The following RAB11FIP3 variants were observed in gnomAD, a reference collection of about 807,000 sequenced individuals.
RAB11FIP3 encodes the protein RAB11 family interacting protein 3.
RAB11FIP3 carries 17 observed loss-of-function variants against 77.8 expected under a neutral mutation model. The ratio of observed to expected loss-of-function variants is 0.22; its 90% CI spans 0.15 to 0.33. The LOEUF is 0.33. Ranked by LOEUF, RAB11FIP3 falls within the 10% of genes least tolerant of loss-of-function variation. RAB11FIP3 has a pLI of 1.00. For missense variants in RAB11FIP3, 1,005 were observed against 1,011.2 expected, an observed-to-expected ratio of 0.99 and a Z score of 0.08; for synonymous variants, 437 against 448.2, an observed-to-expected ratio of 0.98 and a Z score of 0.31.
At chr16:482,439 C>T in intron 3 of RAB11FIP3, 86 bp from the exon 4 acceptor site, 1 of 1,293,426 alleles carries the variant, frequency 7.7e-7, no homozygotes, top group South Asian at 1.2e-5. Flanking sequence ...ACTGCCCTCT[C>T]CAGGGCCTTG....
rs371079969 is a variant in RAB11FIP3 at position 463,947 on chromosome 16, G to C, written c.808+2450G>C. ...CCGGGGGTGAGATGGGAACTAGGCA[G>C]GCAGCCCTCTCTGAGGAGGGGTGGA... On this transcript the variant is annotated intron_variant, in intron 2 of 13. Coordinates refer to ENST00000262305, the MANE Select transcript of RAB11FIP3 (RefSeq NM_014700.4). Among the ~76,000 whole-genome samples, 28 of 152,290 alleles carry C rather than the reference G, an allele frequency of 1.8e-4. 1 individual carries two copies. In the East Asian group the frequency reaches 5.2e-3, roughly 28 times the overall value.
intron 1 of RAB11FIP3, among the ~76,000 whole-genome samples, chr16:435,704 G>C (rs2055116617): frequency 1.3e-5 from 2 of 151,808 alleles, no homozygotes; most frequent in South Asian, 4.1e-4. Flanking sequence ...TAGTGCCTTT[G>C]CACATAGCAT....
intron 3 of RAB11FIP3, among the ~76,000 whole-genome samples, chr16:473,194 C>T (rs557701383): frequency 6.6e-6 from 1 of 152,316 alleles, no homozygotes; most frequent in Non-Finnish European, 1.5e-5. Flanking sequence ...GCATTTTATC[C>T]TTAAAGGCCC....
intron 8 of RAB11FIP3, among the ~76,000 whole-genome samples, chr16:508,753 C>A (rs2031993360): frequency 6.6e-6 from 1 of 152,218 alleles, no homozygotes; most frequent in Admixed American, 6.5e-5. Context: ...CATGCGGCCT[C>A]TCCCTCTCAT....
intron 1 of RAB11FIP3, among the ~76,000 whole-genome samples, chr16:456,401 C>T (rs954136154): frequency 6.6e-6 from 1 of 150,404 alleles, no homozygotes; most frequent in African/African-American, 2.5e-5. Flanking sequence ...GATTGTGCCA[C>T]TGCACCCTAG....
In RAB11FIP3 at chr16:520,866, AT is replaced by A. The variant is rs780208646; in HGVS notation, c.*29del. The A allele has an allele frequency of 6.3e-7, 1 of 1,588,748 alleles. No homozygotes were observed. The highest frequency in any genetic ancestry group is 1.1e-5 in the South Asian group (1 of 90,592). ...GGCAGGAAGGTCCAGCCTGAGCTGG[AT>A]TCGGGACTCCAACACCCTGGAGTGG... On this transcript the variant is annotated 3_prime_UTR_variant, in exon 14 of 14. Coordinates refer to ENST00000262305, the MANE Select transcript of RAB11FIP3 (RefSeq NM_014700.4).
Position 465,329 on chromosome 16 carries a change from A to C in RAB11FIP3, c.808+3832A>C, listed in dbSNP as rs115237034. Among the ~76,000 whole-genome samples, 926 of 152,292 alleles carry C rather than the reference A, an allele frequency of 6.1e-3. 10 individuals are homozygous for C. The highest frequency in any genetic ancestry group is 0.021 in the African/African-American group (881 of 41,544). The stretch of plus-strand genomic sequence containing the variant: ...TGGAGGCCAAGCACAAGACCCCAGG[A>C]GGCAGTTACCACTTCCATGAAAAAC... On this transcript the variant is annotated intron_variant, in intron 2 of 13. Coordinates refer to ENST00000262305, the MANE Select transcript of RAB11FIP3 (RefSeq NM_014700.4).
intron 5 of RAB11FIP3, among the ~76,000 whole-genome samples, chr16:493,706 A>G (rs2030818052): frequency 1.3e-5 from 2 of 150,544 alleles, no homozygotes; most frequent in African/African-American, 4.9e-5. Context: ...TCCCGGGTTC[A>G]CTCCATTCTC....
chr16:449,680 A>T (rs2055375778), intron 1 of RAB11FIP3, among the ~76,000 whole-genome samples: 1 of 150,206 alleles, frequency 6.7e-6, no homozygotes, highest in Non-Finnish European at 1.5e-5. Flanking sequence ...GGCCGGGTGC[A>T]GTGGCTCACA....
intron 9 of RAB11FIP3, 45 bp from the exon 10 acceptor site, chr16:518,898 G>C: frequency 6.2e-7 from 1 of 1,603,150 alleles, no homozygotes; most frequent in Non-Finnish European, 8.5e-7. Context: ...GCCCTGTAGA[G>C]GCGAGCTTCC....
At position 518,988 on chromosome 16, in the gene RAB11FIP3, G is replaced by A. The variant is rs935132125; in HGVS notation, c.1686G>A (p.Thr562=). The A allele has an allele frequency of 8.7e-6, 14 of 1,613,656 alleles. No individual in the cohort carries two copies. Among genetic ancestry groups the A allele is most frequent in the Middle Eastern group, 1.6e-4 (1 of 6,062 alleles). The change falls in exon 10 of 14, where the codon ACG becomes ACA. Residue 562 remains threonine (T), a synonymous_variant. Coordinates refer to ENST00000262305, the MANE Select transcript of RAB11FIP3 (RefSeq NM_014700.4). ...DEENSELRSC[T]PCLKANIERL... ...AGAACAGTGAACTCCGGTCCTGCAC[G>A]CCCTGTCTGAAGGCCAACATTGAGC... is the stretch of plus-strand genomic sequence containing the variant.
intron 1 of RAB11FIP3, among the ~76,000 whole-genome samples, chr16:440,513 C>T (rs1374996527): frequency 6.6e-6 from 1 of 152,210 alleles, no homozygotes; most frequent in Non-Finnish European, 1.5e-5. Context: ...CCCTTTTCTC[C>T]TACCTGGTGG....
chr16:432,885 T>C (rs765045425), intron 1 of RAB11FIP3, among the ~76,000 whole-genome samples: 6 of 151,850 alleles, frequency 4.0e-5, no homozygotes, highest in Non-Finnish European at 8.8e-5. Context: ...ATTACAGGCA[T>C]GAGCCATTGC....
chr16:491,501 C>G (rs946148018), intron 5 of RAB11FIP3, among the ~76,000 whole-genome samples: 2 of 152,222 alleles, frequency 1.3e-5, no homozygotes, highest in African/African-American at 4.8e-5. Context: ...AGTGATCGGT[C>G]TTTGCAAGCT....
intron 3 of RAB11FIP3, among the ~76,000 whole-genome samples, chr16:473,073 G>A (rs546597779): frequency 1.3e-5 from 2 of 152,322 alleles, no homozygotes; most frequent in Non-Finnish European, 2.9e-5. Context: ...CTCCAGAACT[G>A]AGAGGATAAA....
At chr16:460,129 G>A (rs1023859283) in intron 1 of RAB11FIP3, among the ~76,000 whole-genome samples, 4 of 151,926 alleles carry the variant, frequency 2.6e-5, no homozygotes, top group African/African-American at 4.8e-5. Flanking sequence ...CACTCACCTC[G>A]GTTTCTCACA....
At chr16:478,060 C>T (rs2055955779) in intron 3 of RAB11FIP3, among the ~76,000 whole-genome samples, 1 of 152,202 alleles carries the variant, frequency 6.6e-6, no homozygotes, top group African/African-American at 2.4e-5. Context: ...GATGGAACTG[C>T]GGCCTCCCGC....
intron 2 of RAB11FIP3, among the ~76,000 whole-genome samples, chr16:466,195 G>A (rs763169358): frequency 3.5e-4 from 53 of 152,298 alleles, no homozygotes; most frequent in Admixed American, 7.8e-4. Context: ...GGAGATTTGG[G>A]CTGGAGATGT....
At position 426,669 on chromosome 16, in the gene RAB11FIP3, C is replaced by A; in HGVS notation, c.663C>A (p.Phe221Leu). 6.4e-7 allele frequency: 1 copy of A among 1,551,976 alleles called. No individual in the cohort carries two copies. Among genetic ancestry groups the A allele is most frequent in the Non-Finnish European group, 8.7e-7 (1 of 1,150,366 alleles). ...FDALDGDGDG[F>L]VRIEDFIQFA... is the part of the protein sequence containing the mutation. ...CCCTGGACGGGGATGGGGACGGTTT[C>A]GTCCGCATCGAGGACTTCATCCAGT... Residue 221 changes from phenylalanine (F) to leucine (L), a missense_variant, in exon 1 of 14, where the codon TTC becomes TTA. Around this residue, in one of 4 missense-constraint regions of RAB11FIP3, gnomAD observed 466 missense variants for 408.3 expected, o/e 1.14. Coordinates refer to ENST00000262305, the MANE Select transcript of RAB11FIP3 (RefSeq NM_014700.4). This position sits in a 1 kb window ranked among gnomAD's most constrained non-coding sequence, Gnocchi z 5.0.
Sources: allele counts gnomAD v4.1 joint callset (sites outside exome capture counted in the v4.1 genomes callset), GRCh38; gene constraint gnomAD v4.1.1; regional missense constraint gnomAD v4.1.1; non-coding constraint Gnocchi (gnomAD v3.1); transcripts MANE v1.5; gene names NCBI Gene and HGNC (gene_info 2026-07-23, HGNC 2026-07-21).